The following MTMR3 variants were observed in gnomAD, a reference collection of about 807,000 sequenced individuals.
MTMR3 encodes the protein phosphatidylinositol-3,5-bisphosphate 3-phosphatase MTMR3.
A neutral mutation model predicts 132.4 loss-of-function variants in MTMR3; 32 were observed. The ratio of observed to expected loss-of-function variants is 0.24; its 90% CI spans 0.18 to 0.32. The LOEUF (loss-of-function observed/expected upper bound fraction) is 0.32. Among genes scored for constraint, MTMR3 ranks in the 10% least tolerant of loss-of-function variants. MTMR3 has a pLI of 1.00. For synonymous variants in MTMR3, 556 were observed against 550.3 expected (o/e 1.01, Z -0.14); for missense variants, 1,216 against 1,489.6 (o/e 0.82, Z 3.02).
intron 1 of MTMR3, among the ~76,000 whole-genome samples, chr22:29,940,042 C>A (rs1190734791): frequency 6.6e-6 from 1 of 152,140 alleles, no homozygotes; most frequent in East Asian, 1.9e-4. Context: ...CCGAGGTGGG[C>A]AGATCACGAG....
intron 1 of MTMR3, among the ~76,000 whole-genome samples, chr22:29,902,197 A>G (rs5763591): frequency 0.35 from 53,611 of 152,060 alleles, 10,438 homozygotes; most frequent in East Asian, 0.71. Context: ...ATCTGTTTGT[A>G]TAAATAATCT....
chr22:30,028,441 C>G lies in MTMR3; in HGVS notation c.*2640C>G, dbSNP rs554888835. 2 of 152,548 alleles carry G rather than the reference C, an allele frequency of 1.3e-5. No homozygotes were observed. The highest frequency in any genetic ancestry group is 4.8e-5 in the African/African-American group (2 of 41,596). 9.4% of individuals were successfully genotyped at this position (152,548 alleles called of 1,614,324 possible). ...CTGCTCCTTAGCTCTTACAGCAGGA[C>G]TGTGGCATCTAGTCACTTCAATACT... On this transcript the variant is annotated 3_prime_UTR_variant, in exon 20 of 20. Coordinates refer to ENST00000401950, the MANE Select transcript of MTMR3 (RefSeq NM_021090.4).
chr22:30,007,076 T>C (rs1401153283), intron 9 of MTMR3, 38 bp from the exon 10 acceptor site: 15 of 1,605,686 alleles, frequency 9.3e-6, no homozygotes, highest in African/African-American at 4.0e-5. Flanking sequence ...AGAGAGCATC[T>C]GAATGGGTAC....
chr22:30,021,126 A>G (rs1008798839), intron 17 of MTMR3: 28 of 551,604 alleles, frequency 5.1e-5, no homozygotes, highest in Non-Finnish European at 9.1e-5. Flanking sequence ...GAAGAGACTT[A>G]GCATGCACTG....
chr22:29,932,074 T>C (rs940401176), intron 1 of MTMR3, among the ~76,000 whole-genome samples: 1 of 152,234 alleles, frequency 6.6e-6, no homozygotes, highest in African/African-American at 2.4e-5. Flanking sequence ...CTGAATGCTA[T>C]TGTAATTTGT....
At position 29,922,755 on chromosome 22, in the gene MTMR3, T is replaced by A. The variant is rs2065441205; in HGVS notation, c.-137-34281T>A. On this transcript the variant is annotated intron_variant, in intron 1 of 19. Coordinates refer to ENST00000401950, the MANE Select transcript of MTMR3 (RefSeq NM_021090.4). Reference sequence around the variant, plus strand: ...CTATTTTCTACAGTAGCTGTACCATTTTACATTCCTACCAGCAATGCACAA... The same window carrying A: ...CTATTTTCTACAGTAGCTGTACCATATTACATTCCTACCAGCAATGCACAA... 2.6e-5 allele frequency among the ~76,000 whole-genome samples: 4 copies of A among 152,202 alleles called. No homozygotes were observed. The South Asian group carries it at 8.3e-4, about 32-fold the overall frequency.
chr22:29,909,779 A>G (rs2065171966), intron 1 of MTMR3, among the ~76,000 whole-genome samples: 1 of 152,206 alleles, frequency 6.6e-6, no homozygotes, highest in African/African-American at 2.4e-5. Context: ...GTAATTCTTT[A>G]TTATAAACAT....
chr22:29,910,054 C>T (rs1179022356), intron 1 of MTMR3, among the ~76,000 whole-genome samples: 5 of 151,858 alleles, frequency 3.3e-5, no homozygotes, highest in African/African-American at 9.7e-5. Flanking sequence ...CTACTCGCTA[C>T]TCGGGAGGCT....
rs1383951113 is a variant in MTMR3 at position 30,020,630 on chromosome 22, C to A, written c.2971C>A (p.His991Asn). 1 of 1,614,190 alleles carries A rather than the reference C, an allele frequency of 6.2e-7. No individual in the cohort carries two copies. Among genetic ancestry groups the A allele is most frequent in the South Asian group, 1.1e-5 (1 of 91,086 alleles). Residue 991 changes from histidine (H) to asparagine (N), a missense_variant, in exon 17 of 20, where the codon CAC (histidine) becomes AAC (asparagine). Physicochemically the swap from His to Asn is moderately conservative, Grantham distance 68. Transcript: ENST00000401950. ...SAHLHSRNLH[H>N]KWLHSHSGRP... The stretch of plus-strand genomic sequence containing the variant: ...CCACTTACACTCAAGGAACTTGCAC[C>A]ACAAGTGGCTGCATAGCCACTCAGG...
At chr22:29,999,108 C>A in intron 8 of MTMR3, 1 of 245,616 alleles carries the variant, frequency 4.1e-6, no homozygotes, top group Non-Finnish European at 7.8e-6. Flanking sequence ...TCTGTTTTTT[C>A]TGGTACATGC....
intron 7 of MTMR3, chr22:29,994,462 G>A (rs1159428167): frequency 1.3e-5 from 2 of 148,510 alleles, no homozygotes; most frequent in African/African-American, 5.0e-5. Flanking sequence ...ACCTCATGTT[G>A]TTGAGCAGTG....
Position 30,019,660 on chromosome 22 carries a change from G to A in MTMR3, c.2001G>A (p.Gly667=). Residue 667 remains glycine (G), a synonymous_variant, in exon 17 of 20, where the codon GGG becomes GGA. Transcript: ENST00000401950. ...ATCCCCTTTCTGCCGACAGCCTAGG[G>A]AAGCCCACCAGAGTGCCGGGGGGTG... ...GEDPLSADSL[G]KPTRVPGGAE... The A allele has an allele frequency of 2.5e-6, 4 of 1,614,218 alleles. No individual in the cohort carries two copies. Among genetic ancestry groups the A allele is most frequent in the Admixed American group, 1.7e-5 (1 of 60,030 alleles).
At chr22:29,964,870 G>A (rs2066383699) in intron 2 of MTMR3, among the ~76,000 whole-genome samples, 1 of 152,148 alleles carries the variant, frequency 6.6e-6, no homozygotes, top group Non-Finnish European at 1.5e-5. Flanking sequence ...CTATTCACAT[G>A]ATCTTTTCCT....
intron 1 of MTMR3, among the ~76,000 whole-genome samples, chr22:29,925,695 CACTTGAGACCAGGA>C (rs1241030987): frequency 6.6e-6 from 1 of 151,962 alleles, no homozygotes; most frequent in African/African-American, 2.4e-5. Flanking sequence ...ATGGGTGGAT[CACTTGAGACCAGGA>C]GTTTGAGATC....
intron 2 of MTMR3, among the ~76,000 whole-genome samples, chr22:29,962,890 C>G (rs1012381258): frequency 6.6e-6 from 1 of 150,666 alleles, no homozygotes; most frequent in Non-Finnish European, 1.5e-5. Context: ...ATCAGTACTT[C>G]ATTCCTTTCT....
chr22:30,003,231 G>T (rs922098671), intron 9 of MTMR3: 15 of 382,914 alleles, frequency 3.9e-5, no homozygotes, highest in Non-Finnish European at 5.7e-5. Flanking sequence ...GTTGTAAAGT[G>T]GCTGGACTTG....
chr22:29,889,820 C>A (rs2064757475), intron 1 of MTMR3, among the ~76,000 whole-genome samples: 1 of 151,302 alleles, frequency 6.6e-6, no homozygotes, highest in East Asian at 1.9e-4. Flanking sequence ...GTCAATTTTT[C>A]TCTTAAAGCA....
intron 1 of MTMR3, among the ~76,000 whole-genome samples, chr22:29,942,424 G>A (rs2065874103): frequency 6.6e-6 from 1 of 152,182 alleles, no homozygotes; most frequent in African/African-American, 2.4e-5. Context: ...AATTAAAATT[G>A]CTAATGAAGT....
chr22:29,960,951 G>C (rs769284061), intron 2 of MTMR3, among the ~76,000 whole-genome samples: 108 of 152,100 alleles, frequency 7.1e-4, no homozygotes, highest in South Asian at 1.0e-3. Flanking sequence ...ACTGAAAGTT[G>C]CTGCTCCCAC....
Sources: gnomAD v4.1 joint callset for allele counts (sites outside exome capture counted in the v4.1 genomes callset) on GRCh38, gnomAD v4.1.1 for gene constraint, MANE v1.5 for transcripts, NCBI Gene and HGNC (gene_info 2026-07-23, HGNC 2026-07-21) for gene names.